Variants in TNKS observed in about 807,000 individuals in gnomAD.
The protein encoded by TNKS is poly [ADP-ribose] polymerase tankyrase-1.
A neutral mutation model predicts 135.8 loss-of-function variants in TNKS; 72 were observed. The ratio of observed to expected loss-of-function variants is 0.53; its 90% CI spans 0.44 to 0.64. The LOEUF is 0.64. TNKS is among the 30% of genes least tolerant of loss of function. The pLI is 0.00. For missense variants in TNKS, 1,769 were observed against 1,674.0 expected (o/e 1.06, Z -0.99); for synonymous variants, 849 against 649.3 (o/e 1.31, Z -4.68).
chr8:9,756,422 G>A (rs1806836035), intron 20 of TNKS, among the ~76,000 whole-genome samples: 1 of 151,792 alleles, frequency 6.6e-6, no homozygotes, highest in African/African-American at 2.4e-5. Context: ...TAACTGACAC[G>A]TGGATAATCT....
intron 5 of TNKS, among the ~76,000 whole-genome samples, chr8:9,688,752 G>T (rs1803125720): frequency 6.6e-6 from 1 of 152,102 alleles, no homozygotes; most frequent in Admixed American, 6.5e-5. Context: ...CGATTCTCCT[G>T]CCTCAGCCTC....
At chr8:9,723,262 C>T (rs1231813895) in intron 12 of TNKS, among the ~76,000 whole-genome samples, 2 of 89,398 alleles carry the variant, frequency 2.2e-5, no homozygotes, top group Non-Finnish European at 5.3e-5. Context: ...ATGGACCATG[C>T]ATTAGCTGAA....
chr8:9,563,841 A>G (rs886845734), intron 1 of TNKS, among the ~76,000 whole-genome samples: 1 of 152,092 alleles, frequency 6.6e-6, no homozygotes, highest in Non-Finnish European at 1.5e-5. Context: ...TTCTTCTTGT[A>G]AGAATTTTGT....
At chr8:9,747,982 G>T (rs1415241695) in intron 17 of TNKS, 42 bp from the exon 18 acceptor site, 1 of 1,545,004 alleles carries the variant, frequency 6.5e-7, no homozygotes, top group East Asian at 2.3e-5. Flanking sequence ...TTTACCAGAT[G>T]ATCTCATTCT....
At chr8:9,709,483 C>T (rs866415667) in intron 9 of TNKS, among the ~76,000 whole-genome samples, 1 of 152,112 alleles carries the variant, frequency 6.6e-6, no homozygotes, top group Non-Finnish European at 1.5e-5. Context: ...ATATTTTTCT[C>T]TAAACTGCTT....
At chr8:9,747,489 C>T (rs180815795) in intron 17 of TNKS, among the ~76,000 whole-genome samples, 3 of 152,236 alleles carry the variant, frequency 2.0e-5, no homozygotes, top group Non-Finnish European at 4.4e-5. Context: ...ACATAACAGA[C>T]CAATTTTCAT....
chr8:9,626,827 A>G (rs566538860), intron 3 of TNKS, among the ~76,000 whole-genome samples: 75 of 152,312 alleles, frequency 4.9e-4, no homozygotes, highest in African/African-American at 1.7e-3. Context: ...ATTAATCGCA[A>G]TGGCTATACT....
intron 19 of TNKS, 51 bp downstream of exon 19, chr8:9,751,897 C>G: frequency 1.9e-6 from 3 of 1,550,728 alleles, no homozygotes; most frequent in South Asian, 1.1e-5. Flanking sequence ...GTTAGTGGAG[C>G]AGAATGACTT....
intron 2 of TNKS, among the ~76,000 whole-genome samples, chr8:9,599,497 A>C (rs915977022): frequency 3.3e-5 from 5 of 152,206 alleles, no homozygotes; most frequent in Non-Finnish European, 4.4e-5. Context: ...AGTATTCTAA[A>C]ACTGAGGTTT....
chr8:9,729,040 T>C (rs1380803061), intron 13 of TNKS, among the ~76,000 whole-genome samples: 2 of 152,210 alleles, frequency 1.3e-5, no homozygotes, highest in Non-Finnish European at 2.9e-5. Flanking sequence ...GTAGGCTTAG[T>C]GTCTGGTGGG....
intron 3 of TNKS, among the ~76,000 whole-genome samples, chr8:9,665,886 G>C (rs1412459888): frequency 6.6e-6 from 1 of 152,146 alleles, no homozygotes; most frequent in Non-Finnish European, 1.5e-5. Flanking sequence ...CGCACCTCAA[G>C]AATATTTTTA....
At chr8:9,584,915 G>GAATAC (rs1798310835) in intron 2 of TNKS, among the ~76,000 whole-genome samples, 1 of 152,122 alleles carries the variant, frequency 6.6e-6, no homozygotes, top group Middle Eastern at 3.2e-3. Context: ...AACGCATGTG[G>GAATAC]GATTGTCACT....
chr8:9,705,226 T>C (rs1467585194), intron 6 of TNKS, among the ~76,000 whole-genome samples: 3 of 152,166 alleles, frequency 2.0e-5, no homozygotes, highest in East Asian at 1.9e-4. Flanking sequence ...TGAGGGGATA[T>C]GGGTGGTAAC....
chr8:9,735,090 C>T lies in TNKS; in HGVS notation c.2533+6C>T, dbSNP rs201207394. ...AACCCCTCTGCACCTGGCAGGTAAG[C>T]GCCCCCAGTGCCTCCAAGCCTCCTT... On this transcript the variant is annotated splice_donor_region_variant and intron_variant, in intron 16 of 26. Coordinates refer to ENST00000310430, the MANE Select transcript of TNKS (RefSeq NM_003747.3). 4.3e-6 allele frequency: 7 copies of T among 1,611,694 alleles called. No homozygotes were observed. Among genetic ancestry groups the T allele is most frequent in the Middle Eastern group, 1.7e-4 (1 of 5,936 alleles).
chr8:9,591,061 A>T (rs945183166), intron 2 of TNKS, among the ~76,000 whole-genome samples: 10 of 152,320 alleles, frequency 6.6e-5, no homozygotes, highest in Admixed American at 6.5e-4. Flanking sequence ...TGCATTTGGA[A>T]TTGATGTTTG....
chr8:9,556,805 T>C, intron 1 of TNKS, 193 bp downstream of exon 1: 1 of 571,986 alleles, frequency 1.7e-6, no homozygotes, highest in Non-Finnish European at 3.0e-6. Flanking sequence ...GGGGGATAAG[T>C]GAATCCAAGG....
At chr8:9,586,822 G>C (rs529167802) in intron 2 of TNKS, among the ~76,000 whole-genome samples, 2 of 151,564 alleles carry the variant, frequency 1.3e-5, no homozygotes, top group African/African-American at 4.8e-5. Context: ...ATAATATGCA[G>C]AGTTATCAGC....
chr8:9,651,686 A>C (rs1340055638), intron 3 of TNKS, among the ~76,000 whole-genome samples: 1 of 152,194 alleles, frequency 6.6e-6, no homozygotes, highest in African/African-American at 2.4e-5. Flanking sequence ...TCAGAAAGCA[A>C]GTCACTAGGA....
chr8:9,556,647 G>T (rs778686232), intron 1 of TNKS, 35 bp downstream of exon 1: 1 of 1,610,688 alleles, frequency 6.2e-7, no homozygotes, highest in Non-Finnish European at 8.5e-7. Flanking sequence ...TAAGGGTTAT[G>T]GGTTTGGGTG....
Sources: allele counts gnomAD v4.1 joint callset (sites outside exome capture counted in the v4.1 genomes callset), GRCh38; gene constraint gnomAD v4.1.1; transcripts MANE v1.5; gene names NCBI Gene and HGNC (gene_info 2026-07-23, HGNC 2026-07-21).